CSGALNACT1: variants seen among roughly 807,000 people sequenced by gnomAD.
CSGALNACT1 encodes the protein beta4GalNAcT-1.
CSGALNACT1 carries 52 observed loss-of-function variants against 51.0 expected under a neutral mutation model. The observed-to-expected ratio is 1.02, with a 90% CI of 0.82 to 1.29. The LOEUF (loss-of-function observed/expected upper bound fraction) is 1.29. Ranked by LOEUF, CSGALNACT1 falls within the 50% of genes most tolerant of loss-of-function variation. CSGALNACT1 has a pLI of 0.00. For missense variants in CSGALNACT1, 935 were observed against 679.2 expected (o/e 1.38, Z -4.19); for synonymous variants, 341 against 254.4 (o/e 1.34, Z -3.24).
At chr8:19,543,789 T>G (rs957755280) in intron 3 of CSGALNACT1, among the ~76,000 whole-genome samples, 1 of 152,174 alleles carries the variant, frequency 6.6e-6, no homozygotes, top group Non-Finnish European at 1.5e-5. Context: ...TAATAATAAC[T>G]GTAAGTGCAA....
At chr8:19,582,780 GA>G (rs2045862148) in intron 3 of CSGALNACT1, among the ~76,000 whole-genome samples, 1 of 152,144 alleles carries the variant, frequency 6.6e-6, no homozygotes, top group Non-Finnish European at 1.5e-5. Flanking sequence ...AGGTATCCTA[GA>G]AATCAGTAGC....
At chr8:19,448,195 G>T (rs1484469852) in intron 5 of CSGALNACT1, among the ~76,000 whole-genome samples, 1 of 152,150 alleles carries the variant, frequency 6.6e-6, no homozygotes, top group African/African-American at 2.4e-5. Flanking sequence ...GAAAAATTGT[G>T]TTTCTTGCAG....
chr8:19,555,045 C>G (rs1483409868), intron 3 of CSGALNACT1, among the ~76,000 whole-genome samples: 1 of 151,766 alleles, frequency 6.6e-6, no homozygotes, highest in East Asian at 1.9e-4. Flanking sequence ...TCGAGACCAT[C>G]CTAGCCAACA....
At chr8:19,689,205 T>C (rs893070366) in intron 1 of CSGALNACT1, among the ~76,000 whole-genome samples, 2 of 152,172 alleles carry the variant, frequency 1.3e-5, no homozygotes, top group Non-Finnish European at 1.5e-5. Flanking sequence ...AAGACTGTAT[T>C]ATAGTTCTCC....
chr8:19,650,061 G>A (rs1324680697), intron 1 of CSGALNACT1, among the ~76,000 whole-genome samples: 2 of 152,108 alleles, frequency 1.3e-5, no homozygotes, highest in African/African-American at 2.4e-5. Context: ...AAACTTTCAT[G>A]TGTATGATGA....
chr8:19,509,715 A>G (rs1017723501), intron 3 of CSGALNACT1, among the ~76,000 whole-genome samples: 2 of 151,942 alleles, frequency 1.3e-5, no homozygotes, highest in Non-Finnish European at 2.9e-5. Context: ...GGACCAATAC[A>G]TACCTAAGCC....
chr8:19,640,958 A>T (rs1422557724), intron 1 of CSGALNACT1, among the ~76,000 whole-genome samples: 1 of 152,064 alleles, frequency 6.6e-6, no homozygotes, highest in Non-Finnish European at 1.5e-5. Flanking sequence ...AGAGGAATGA[A>T]ACCATAGAGA....
At chr8:19,492,412 G>C (rs1210893505) in intron 4 of CSGALNACT1, among the ~76,000 whole-genome samples, 2 of 152,218 alleles carry the variant, frequency 1.3e-5, no homozygotes, top group East Asian at 3.8e-4. Flanking sequence ...TACCTCTTCA[G>C]TTTCCTGCAC....
At chr8:19,564,340 G>A (rs1161448012) in intron 3 of CSGALNACT1, among the ~76,000 whole-genome samples, 1 of 151,574 alleles carries the variant, frequency 6.6e-6, no homozygotes, top group Non-Finnish European at 1.5e-5. Context: ...CCACAAAAAT[G>A]GATGCCTAGT....
At chr8:19,464,811 T>C (rs997697801) in intron 4 of CSGALNACT1, among the ~76,000 whole-genome samples, 1 of 152,148 alleles carries the variant, frequency 6.6e-6, no homozygotes, top group Non-Finnish European at 1.5e-5. Context: ...TCCACAAAAC[T>C]GGTGCCTGGT....
intron 2 of CSGALNACT1, among the ~76,000 whole-genome samples, chr8:19,599,500 G>GAAAGAAAGAAAC: frequency 8.1e-6 from 1 of 123,932 alleles, no homozygotes; most frequent in Non-Finnish European, 1.7e-5. Flanking sequence ...AAGAAAGAAA[G>GAAAGAAAGAAAC]AAAGAAAGAA....
At chr8:19,417,652 G>T (rs1304809304) in intron 8 of CSGALNACT1, among the ~76,000 whole-genome samples, 1 of 152,166 alleles carries the variant, frequency 6.6e-6, no homozygotes, top group Non-Finnish European at 1.5e-5. Flanking sequence ...AAGAAGCATG[G>T]ATTTTCTTTA....
At position 19,562,194 on chromosome 8, in the gene CSGALNACT1, C is replaced by T. The variant is rs111603183; in HGVS notation, c.-297+28966G>A. ...CTGATGGGCTATATCAAATAGAACCCAGGCTTAAAGATATTATCTTGAATC... is the reference window on the plus strand; with the variant it reads ...CTGATGGGCTATATCAAATAGAACCTAGGCTTAAAGATATTATCTTGAATC... On this transcript the variant is annotated intron_variant, in intron 3 of 9. Coordinates refer to ENST00000454498, the Ensembl canonical transcript of CSGALNACT1. Among the ~76,000 whole-genome samples, 615 of 152,286 alleles carry T rather than the reference C, an allele frequency of 4.0e-3. 4 individuals are homozygous for T. The highest frequency in any genetic ancestry group is 0.014 in the African/African-American group (590 of 41,558).
At chr8:19,523,547 G>A (rs2081124790) in intron 3 of CSGALNACT1, among the ~76,000 whole-genome samples, 1 of 152,150 alleles carries the variant, frequency 6.6e-6, no homozygotes, top group South Asian at 2.1e-4. Flanking sequence ...TGAGATTACA[G>A]GCAGGAGCCA....
At chr8:19,496,973 C>T (rs1026150146) in intron 4 of CSGALNACT1, among the ~76,000 whole-genome samples, 2 of 152,116 alleles carry the variant, frequency 1.3e-5, no homozygotes, top group African/African-American at 2.4e-5. Context: ...ACACTCTTCC[C>T]GGACCCTCCC....
In CSGALNACT1 at chr8:19,754,235, C is replaced by T. The variant is rs139005953; in HGVS notation, c.-297+3615G>A. On this transcript the variant is annotated intron_variant, in intron 1 of 1. Transcript: ENST00000517494. ...TAGAGGTGGGGTTTCGCCCTGTTGGCCAGGCTGGTCTCAAACTCCTTACCT... is the reference window on the plus strand; with the variant it reads ...TAGAGGTGGGGTTTCGCCCTGTTGGTCAGGCTGGTCTCAAACTCCTTACCT... Among the ~76,000 whole-genome samples, 895 of 152,154 alleles carry T rather than the reference C, an allele frequency of 5.9e-3. 15 individuals are homozygous for T. Among genetic ancestry groups the T allele is most frequent in the African/African-American group, 0.02 (835 of 41,486 alleles).
chr8:19,407,058 T>C (rs1327409026), intron 9 of CSGALNACT1, among the ~76,000 whole-genome samples: 1 of 152,110 alleles, frequency 6.6e-6, no homozygotes, highest in Non-Finnish European at 1.5e-5. Flanking sequence ...CACATAACCA[T>C]TTAGGAATAT....
intron 6 of CSGALNACT1, among the ~76,000 whole-genome samples, chr8:19,432,699 G>T (rs1025290359): frequency 2.6e-5 from 4 of 151,940 alleles, no homozygotes; most frequent in Non-Finnish European, 4.4e-5. Flanking sequence ...CTTCAAACCT[G>T]CTGTTAAGCC....
chr8:19,635,724 T>G (rs1205252845), intron 1 of CSGALNACT1, among the ~76,000 whole-genome samples: 1 of 152,172 alleles, frequency 6.6e-6, no homozygotes, highest in African/African-American at 2.4e-5. Context: ...ACTTCCCTTT[T>G]CAGCTTTTCG....
Sources: allele counts gnomAD v4.1 joint callset (sites outside exome capture counted in the v4.1 genomes callset), GRCh38; gene constraint gnomAD v4.1.1; transcripts MANE v1.5; gene names NCBI Gene and HGNC (gene_info 2026-07-23, HGNC 2026-07-21).